The following CHST11 variants were observed in gnomAD, a reference collection of about 807,000 sequenced individuals.
CHST11 encodes the protein carbohydrate sulfotransferase 11, also known as C4S-1.
CHST11 carries 9 observed loss-of-function variants against 30.4 expected under a neutral mutation model. That is an observed-to-expected ratio of 0.30 (90% CI 0.18 to 0.52). The LOEUF is 0.52. CHST11 is among the 20% of genes least tolerant of loss of function. The probability of loss-of-function intolerance (pLI) is 0.97; values close to 1 mark genes in which losing one functional copy is unlikely to be tolerated. For synonymous variants in CHST11, 152 were observed against 187.8 expected (o/e 0.81, Z 1.56); for missense variants, 348 against 460.6 (o/e 0.76, Z 2.24).
intron 1 of CHST11, among the ~76,000 whole-genome samples, chr12:104,505,506 C>A (rs1299333214): frequency 6.6e-6 from 1 of 152,176 alleles, no homozygotes; most frequent in African/African-American, 2.4e-5. Context: ...GTTATGTTGA[C>A]GCTGCCTGTC....
chr12:104,744,651 C>T (rs1219331412), intron 2 of CHST11, among the ~76,000 whole-genome samples: 1 of 152,008 alleles, frequency 6.6e-6, no homozygotes, highest in African/African-American at 2.4e-5. Context: ...CAATTGCTTT[C>T]GGTATCTTCA....
chr12:104,663,135 G>A (rs977320100), intron 2 of CHST11, among the ~76,000 whole-genome samples: 4 of 152,362 alleles, frequency 2.6e-5, no homozygotes, highest in Non-Finnish European at 5.9e-5. Context: ...AGGCTGGCCT[G>A]TGTTGGGTCA....
chr12:104,519,071 G>GGGGTGTGTGTGT lies in CHST11; in HGVS notation c.118+61543_118+61544insGGTGTGTGTGTG, dbSNP rs1555229563. Among the ~76,000 whole-genome samples, 14 of 139,640 alleles carry GGGGTGTGTGTGT rather than the reference G, an allele frequency of 1.0e-4. No individual in the cohort carries two copies. In the East Asian group the frequency reaches 1.9e-3, roughly 19 times the overall value. 91.6% of individuals were successfully genotyped at this position (139,640 alleles called of 152,430 possible). ...TTGAGGCCTAGGCCTGGACTCTTGA[G>GGGGTGTGTGTGT]GTGTGTGTGTGTGTGTGTGTGTGTG... On this transcript the variant is annotated intron_variant, in intron 1 of 2. Coordinates refer to ENST00000303694, the MANE Select transcript of CHST11 (RefSeq NM_018413.6).
chr12:104,554,479 G>A (rs2038435967), intron 1 of CHST11, among the ~76,000 whole-genome samples: 1 of 152,200 alleles, frequency 6.6e-6, no homozygotes, highest in Non-Finnish European at 1.5e-5. Flanking sequence ...TGGTATTACT[G>A]CTCCTGGTGA....
At chr12:104,690,845 T>A (rs1393041220) in intron 2 of CHST11, among the ~76,000 whole-genome samples, 1 of 151,756 alleles carries the variant, frequency 6.6e-6, no homozygotes, top group East Asian at 1.9e-4. Context: ...AAAAATAAAA[T>A]AAAAGAGATA....
intron 2 of CHST11, among the ~76,000 whole-genome samples, chr12:104,612,172 G>A (rs1395674150): frequency 6.6e-6 from 1 of 152,232 alleles, no homozygotes; most frequent in East Asian, 1.9e-4. Flanking sequence ...GTAGTAGTTC[G>A]CTGGGGCTGC....
intron 1 of CHST11, among the ~76,000 whole-genome samples, chr12:104,484,858 C>T (rs912966141): frequency 6.6e-6 from 1 of 152,204 alleles, no homozygotes. Context: ...CATGCTGAAG[C>T]TAAGACATGA....
In CHST11 at chr12:104,476,215, C is replaced by T. The variant is rs111854143; in HGVS notation, c.118+18686C>T. On this transcript the variant is annotated intron_variant, in intron 1 of 2. Coordinates refer to ENST00000303694, the MANE Select transcript of CHST11 (RefSeq NM_018413.6). ...ATAAACACATGCAAAAACAATATTA[C>T]ATATATGTTATATGTAATAGCATAT... Among the ~76,000 whole-genome samples, 533 of 140,754 alleles carry T rather than the reference C, an allele frequency of 3.8e-3. 1 individual carries two copies. The highest frequency in any genetic ancestry group is 0.013 in the African/African-American group (515 of 38,634). 92.3% of individuals were successfully genotyped at this position (140,754 alleles called of 152,430 possible).
At chr12:104,632,008 A>T (rs1382807689) in intron 2 of CHST11, among the ~76,000 whole-genome samples, 2 of 152,152 alleles carry the variant, frequency 1.3e-5, no homozygotes, top group African/African-American at 4.8e-5. Flanking sequence ...TCTACAGTAG[A>T]TACAACACCA....
In CHST11 at chr12:104,541,122, T is replaced by TCA. The variant is rs756684710; in HGVS notation, c.119-60783_119-60782insAC. On this transcript the variant is annotated intron_variant, in intron 1 of 2. Transcript: ENST00000303694. ...ATTCTGCAGAATCTCTCCCTCTCTCTCTCTCTCTCACACACACACACACAC... is the reference window on the plus strand; with the variant it reads ...ATTCTGCAGAATCTCTCCCTCTCTCTCACTCTCTCTCACACACACACACACAC... Among the ~76,000 whole-genome samples the TCA allele has an allele frequency of 4.3e-3, 269 of 63,136 alleles. 2 individuals carry two copies. The highest frequency in any genetic ancestry group is 0.012 in the Middle Eastern group (1 of 82). 41.4% of individuals were successfully genotyped at this position (63,136 alleles called of 152,430 possible).
At chr12:104,543,155 A>T (rs1487761664) in intron 1 of CHST11, among the ~76,000 whole-genome samples, 1 of 152,208 alleles carries the variant, frequency 6.6e-6, no homozygotes, top group African/African-American at 2.4e-5. Context: ...ACATGGTGAG[A>T]GAGTGAGCAA....
chr12:104,680,765 C>G (rs1198442425), intron 2 of CHST11, among the ~76,000 whole-genome samples: 1 of 152,220 alleles, frequency 6.6e-6, no homozygotes, highest in East Asian at 1.9e-4. Flanking sequence ...ATACCACACT[C>G]CCCCGGGTTC....
At chr12:104,597,082 G>A (rs1306881594) in intron 1 of CHST11, among the ~76,000 whole-genome samples, 2 of 152,166 alleles carry the variant, frequency 1.3e-5, no homozygotes, top group Admixed American at 6.5e-5. Flanking sequence ...AGAACCAGGT[G>A]GGCTTCATTC....
intron 2 of CHST11, among the ~76,000 whole-genome samples, chr12:104,670,240 C>T (rs2039677497): frequency 6.6e-6 from 1 of 152,156 alleles, no homozygotes; most frequent in South Asian, 2.1e-4. Flanking sequence ...CTTCCTCAGT[C>T]CTTAGGATGC....
At chr12:104,671,237 C>T (rs747602565) in intron 2 of CHST11, among the ~76,000 whole-genome samples, 20 of 152,178 alleles carry the variant, frequency 1.3e-4, no homozygotes, top group Non-Finnish European at 2.9e-4. Flanking sequence ...TGACTGGACA[C>T]GGCTTCTTGC....
chr12:104,613,059 C>CA (rs978650562), intron 2 of CHST11, among the ~76,000 whole-genome samples: 15 of 152,052 alleles, frequency 9.9e-5, no homozygotes, highest in Middle Eastern at 3.4e-3. Context: ...CCTGTCTCTA[C>CA]AAAAAATATA....
In CHST11 at chr12:104,458,678, G is replaced by C. The variant is rs1226433763; in HGVS notation, c.118+1149G>C. Among the ~76,000 whole-genome samples the C allele has an allele frequency of 6.6e-6, 1 of 152,264 alleles. No homozygotes were observed. Among genetic ancestry groups the C allele is most frequent in the African/African-American group, 2.4e-5 (1 of 41,482 alleles). ...CCCCCTGCCGGGCCACGTTGGCTCA[G>C]AAATCCATTTTCTACGCCTCCGAGT... On this transcript the variant is annotated intron_variant, in intron 1 of 2. Transcript: ENST00000303694. This position sits in a 1 kb window ranked among gnomAD's most constrained non-coding sequence, Gnocchi z 5.7.
intron 2 of CHST11, among the ~76,000 whole-genome samples, chr12:104,612,151 G>A (rs1342835625): frequency 6.6e-6 from 1 of 152,198 alleles, no homozygotes; most frequent in African/African-American, 2.4e-5. Flanking sequence ...CTCACTGATT[G>A]CATATTCACT....
chr12:104,633,256 T>G (rs989490255), intron 2 of CHST11, among the ~76,000 whole-genome samples: 1 of 152,144 alleles, frequency 6.6e-6, no homozygotes, highest in African/African-American at 2.4e-5. Flanking sequence ...TTTGGGACAA[T>G]AACTCATGAT....
Sources: gnomAD v4.1 joint callset for allele counts (sites outside exome capture counted in the v4.1 genomes callset) on GRCh38, gnomAD v4.1.1 for gene constraint, Gnocchi (gnomAD v3.1) non-coding constraint, MANE v1.5 for transcripts, NCBI Gene and HGNC (gene_info 2026-07-23, HGNC 2026-07-21) for gene names.